SPAG9: variants seen among roughly 807,000 people sequenced by gnomAD.
The protein encoded by SPAG9 is sperm associated antigen 9.
Under a neutral mutation model 166.5 loss-of-function variants are expected in SPAG9, and 35 were observed. That is an observed-to-expected ratio of 0.21 (90% CI 0.16 to 0.28). The LOEUF is 0.28. Ranked by LOEUF, SPAG9 falls within the 10% of genes least tolerant of loss-of-function variation. The probability of loss-of-function intolerance (pLI) is 1.00; values close to 1 mark genes in which losing one functional copy is unlikely to be tolerated. For missense variants in SPAG9, 1,235 were observed against 1,603.3 expected, an observed-to-expected ratio of 0.77 and a Z score of 3.92; for synonymous variants, 534 against 565.5, an observed-to-expected ratio of 0.94 and a Z score of 0.79.
At chr17:50,985,026 T>G in intron 23 of SPAG9, 36 bp from the exon 24 acceptor site, 1 of 1,590,974 alleles carries the variant, frequency 6.3e-7, no homozygotes, top group Non-Finnish European at 8.6e-7. Flanking sequence ...AACTCTCCAT[T>G]CAGGAATACA....
At chr17:51,103,064 CAGG>C (rs1337966453) in intron 1 of SPAG9, among the ~76,000 whole-genome samples, 3 of 152,044 alleles carry the variant, frequency 2.0e-5, no homozygotes, top group South Asian at 2.1e-4. Flanking sequence ...TAATTATACC[CAGG>C]AGAAGTCATG....
At position 51,037,662 on chromosome 17, in the gene SPAG9, GTT is replaced by G. The variant is rs1417055791; in HGVS notation, c.741+3837_741+3838del. ...ATAAATAAAATAAGTAAATATATGT[GTT>G]TTATATATATATATATATATAGTGT... On this transcript the variant is annotated intron_variant, in intron 5 of 29. Transcript: ENST00000262013. 4.8e-4 allele frequency among the ~76,000 whole-genome samples: 29 copies of G among 59,848 alleles called. 3 individuals are homozygous for G. The highest frequency in any genetic ancestry group is 4.8e-3 in the Admixed American group (21 of 4,398). 39.3% of individuals were successfully genotyped at this position (59,848 alleles called of 152,430 possible).
chr17:51,108,084 GAAA>G (rs775993771), intron 1 of SPAG9, among the ~76,000 whole-genome samples: 7 of 121,294 alleles, frequency 5.8e-5, no homozygotes, highest in Non-Finnish European at 8.8e-5. Context: ...CATGATTTAA[GAAA>G]AAAAAAAAAA....
At chr17:50,998,737 T>C in intron 14 of SPAG9, 120 bp from the exon 15 acceptor site, 1 of 961,916 alleles carries the variant, frequency 1.0e-6, no homozygotes, top group Non-Finnish European at 1.5e-6. Context: ...GAGTTAGAAA[T>C]TGGCAAAAAC....
intron 6 of SPAG9, among the ~76,000 whole-genome samples, chr17:51,024,070 C>T (rs1568011929): frequency 6.6e-6 from 1 of 152,122 alleles, no homozygotes; most frequent in African/African-American, 2.4e-5. Context: ...CCCAGGCAGG[C>T]GGATCACCTG....
intron 1 of SPAG9, chr17:51,085,194 A>G (rs990902284): frequency 6.6e-6 from 1 of 152,202 alleles, no homozygotes; most frequent in Admixed American, 6.6e-5. Context: ...ATAAAATACT[A>G]TTTTAAAAAA....
intron 6 of SPAG9, among the ~76,000 whole-genome samples, chr17:51,026,320 GAAAAAAAAAAAAA>G (rs55851511): frequency 3.4e-5 from 3 of 89,370 alleles, no homozygotes; most frequent in South Asian, 9.0e-4. Flanking sequence ...GGTGAAAAGA[GAAAAAAAAAAAAA>G]AAAAAAAAAA....
chr17:50,993,829 G>C lies in SPAG9; in HGVS notation c.2333C>G (p.Pro778Arg). Residue 778 changes from proline (P) to arginine (R), a missense_variant, in exon 19 of 30, where the codon CCT becomes CGT. By Grantham distance (103) the Pro-to-Arg change is moderately radical (BLOSUM62 -2). Around this residue, in one of 6 missense-constraint regions of SPAG9, gnomAD observed 493 missense variants for 559.4 expected, o/e 0.88. Coordinates refer to ENST00000262013, the MANE Select transcript of SPAG9 (RefSeq NM_001130528.3). ...TKVLIIDAVQ[P>R]GNILDSFTVC... The stretch of plus-strand genomic sequence containing the variant: ...AGTGAAACTGTCTAGGATGTTGCCA[G>C]GTTGAACAGCATCAATAATAAGAAC... 2 of 1,614,116 alleles carry C rather than the reference G, an allele frequency of 1.2e-6. No homozygotes were observed. Among genetic ancestry groups the C allele is most frequent in the Non-Finnish European group, 8.5e-7 (1 of 1,179,988 alleles).
intron 1 of SPAG9, among the ~76,000 whole-genome samples, chr17:51,102,319 G>T (rs1324377069): frequency 3.3e-5 from 5 of 150,740 alleles, no homozygotes; most frequent in Admixed American, 6.7e-5. Context: ...CACGAGAATC[G>T]CTTGAACCTA....
chr17:50,995,616 T>C (rs955494515), intron 16 of SPAG9, 83 bp from the exon 17 acceptor site: 2 of 846,486 alleles, frequency 2.4e-6, no homozygotes, highest in East Asian at 2.4e-5. Flanking sequence ...CACTGAGACA[T>C]GAGCAAGCAC....
chr17:51,003,469 A>G (rs978906268), intron 12 of SPAG9, among the ~76,000 whole-genome samples: 34 of 152,200 alleles, frequency 2.2e-4, no homozygotes, highest in African/African-American at 8.2e-4. Context: ...ACCCAAGACC[A>G]GCATTAAGGG....
chr17:51,019,937 C>T (rs767893854), intron 8 of SPAG9, among the ~76,000 whole-genome samples: 4 of 152,222 alleles, frequency 2.6e-5, no homozygotes, highest in Non-Finnish European at 5.9e-5. Context: ...AGACACCATC[C>T]TTCCTGCTCA....
intron 1 of SPAG9, among the ~76,000 whole-genome samples, chr17:51,116,074 C>A (rs975964297): frequency 2.6e-5 from 4 of 151,260 alleles, no homozygotes; most frequent in Admixed American, 6.6e-5. Flanking sequence ...GAGAGGTAGT[C>A]TCACTCTACT....
chr17:51,042,859 G>A lies in SPAG9; in HGVS notation c.591-1208C>T, dbSNP rs545486151. Reference sequence around the variant, plus strand: ...ATTTAAAAACAGAACTTTGATTTAGGGGGAAAATTCAAAAGCAGGAAGGCA... The same window carrying A: ...ATTTAAAAACAGAACTTTGATTTAGAGGGAAAATTCAAAAGCAGGAAGGCA... On this transcript the variant is annotated intron_variant, in intron 4 of 29. Transcript: ENST00000262013. 5.3e-5 allele frequency among the ~76,000 whole-genome samples: 8 copies of A among 152,272 alleles called. No individual in the cohort carries two copies. In the South Asian group the frequency reaches 1.5e-3, roughly 28 times the overall value.
At chr17:51,022,620 A>T (rs2045982361) in intron 6 of SPAG9, among the ~76,000 whole-genome samples, 1 of 149,572 alleles carries the variant, frequency 6.7e-6, no homozygotes. Context: ...AAAAGTTTAC[A>T]GCCACCACCA....
intron 5 of SPAG9, among the ~76,000 whole-genome samples, chr17:51,037,405 C>A (rs1435072805): frequency 2.6e-5 from 4 of 151,828 alleles, no homozygotes; most frequent in Admixed American, 6.6e-5. Context: ...AGGTGGATCA[C>A]TTGAGGTCAA....
Position 50,970,770 on chromosome 17 carries a change from G to T in SPAG9, c.3787C>A (p.Gln1263Lys). 1 of 1,614,094 alleles carries T rather than the reference G, an allele frequency of 6.2e-7. No individual in the cohort carries two copies. Among genetic ancestry groups the T allele is most frequent in the Non-Finnish European group, 8.5e-7 (1 of 1,180,004 alleles). ...ACAAGCATAGACTTCAAGGGCGTCT[G>T]ACTACCAGGCTCCTGTGCAGATGGC... ...AGPSAQEPGS[Q>K]TPLKSMLVIS... is the part of the protein sequence containing the mutation. Residue 1263 changes from glutamine (Q) to lysine (K), a missense_variant, in exon 29 of 30, where the codon CAG (glutamine) becomes AAG (lysine). Around this residue, in one of 6 missense-constraint regions of SPAG9, gnomAD observed 243 missense variants for 358.6 expected, o/e 0.68. Transcript: ENST00000262013.
intron 4 of SPAG9, chr17:51,046,504 G>A: frequency 6.5e-7 from 1 of 1,535,338 alleles, no homozygotes; most frequent in Non-Finnish European, 8.7e-7. Context: ...GAGTACCTGA[G>A]TATCCTTGGT....
intron 2 of SPAG9, among the ~76,000 whole-genome samples, chr17:51,069,545 T>G (rs1236278702): frequency 2.0e-5 from 3 of 152,116 alleles, no homozygotes; most frequent in African/African-American, 7.2e-5. Flanking sequence ...ATCAATCACC[T>G]TGTGTTGAAG....
Sources: gnomAD v4.1 joint callset for allele counts (sites outside exome capture counted in the v4.1 genomes callset) on GRCh38, gnomAD v4.1.1 for gene constraint, gnomAD v4.1.1 regional missense constraint, MANE v1.5 for transcripts, NCBI Gene and HGNC (gene_info 2026-07-23, HGNC 2026-07-21) for gene names.